CBR4: variants seen among roughly 807,000 people sequenced by gnomAD.
CBR4 encodes the protein carbonyl reductase 4, also known as 3-oxoacyl-[acyl-carrier-protein] reductase.
CBR4 carries 22 observed loss-of-function variants against 21.0 expected under a neutral mutation model. The ratio of observed to expected loss-of-function variants is 1.05; its 90% confidence interval spans 0.75 to 1.50. The LOEUF is 1.50. Among genes scored for constraint, CBR4 ranks in the 40% most tolerant of loss-of-function variants. The pLI is 0.00. For synonymous variants in CBR4, 100 were observed against 104.4 expected (o/e 0.96, Z 0.26); for missense variants, 302 against 286.3 (o/e 1.05, Z -0.40).
chr4:168,996,797 T>C (rs1765225938), intron 4 of CBR4, among the ~76,000 whole-genome samples: 1 of 152,194 alleles, frequency 6.6e-6, no homozygotes, highest in African/African-American at 2.4e-5. Context: ...TAGTCTCTAA[T>C]GATAAATTAC....
At chr4:168,995,921 T>C (rs1189658275) in intron 4 of CBR4, among the ~76,000 whole-genome samples, 2 of 152,208 alleles carry the variant, frequency 1.3e-5, no homozygotes, top group Non-Finnish European at 2.9e-5. Flanking sequence ...TCTATGTCTA[T>C]GTTAGGTCAG....
At chr4:168,947,711 AT>A (rs1763430744) in intron 2 of CBR4, among the ~76,000 whole-genome samples, 1 of 152,060 alleles carries the variant, frequency 6.6e-6, no homozygotes, top group African/African-American at 2.4e-5. Flanking sequence ...CTATTAATTC[AT>A]TCCTTTTTAT....
intron 2 of CBR4, among the ~76,000 whole-genome samples, chr4:168,904,491 C>T (rs1273813007): frequency 1.3e-5 from 2 of 152,104 alleles, no homozygotes; most frequent in African/African-American, 4.8e-5. Flanking sequence ...TAGGAGGCTG[C>T]TGGGTATCAT....
At chr4:168,913,298 G>C (rs190984499) in intron 2 of CBR4, among the ~76,000 whole-genome samples, 2 of 151,904 alleles carry the variant, frequency 1.3e-5, no homozygotes, top group East Asian at 1.9e-4. Flanking sequence ...CACCACGCCC[G>C]GCTAATTTTT....
intron 2 of CBR4, chr4:168,904,138 G>T (rs1013893967): frequency 5.7e-6 from 3 of 523,326 alleles, no homozygotes; most frequent in Admixed American, 3.1e-5. Flanking sequence ...ATTATTAAGG[G>T]TCTAATATGT....
At chr4:168,971,752 G>A (rs545016371) in intron 2 of CBR4, among the ~76,000 whole-genome samples, 9 of 152,106 alleles carry the variant, frequency 5.9e-5, no homozygotes, top group African/African-American at 1.4e-4. Flanking sequence ...AGTTGTTTAC[G>A]CTGCTGATTA....
chr4:168,955,512 A>G (rs1560961516), intron 2 of CBR4, among the ~76,000 whole-genome samples: 1 of 152,322 alleles, frequency 6.6e-6, no homozygotes, highest in South Asian at 2.1e-4. Context: ...ACAGCTGAAC[A>G]TATTTTATGC....
chr4:169,002,848 T>C (rs773396645), intron 3 of CBR4, among the ~76,000 whole-genome samples: 4 of 151,970 alleles, frequency 2.6e-5, no homozygotes, highest in African/African-American at 4.8e-5. Context: ...GTGCTCACTC[T>C]GTGTCTCTTT....
chr4:169,005,128 A>G (rs1458568885), intron 3 of CBR4: 2 of 152,218 alleles, frequency 1.3e-5, no homozygotes, highest in Non-Finnish European at 2.9e-5. Context: ...ACTGTGAAGT[A>G]CACAGAGAGA....
chr4:168,912,440 C>A (rs984023021), intron 2 of CBR4, among the ~76,000 whole-genome samples: 1 of 152,122 alleles, frequency 6.6e-6, no homozygotes, highest in Non-Finnish European at 1.5e-5. Flanking sequence ...TTTTTTGCTA[C>A]TCTGCTGGTA....
At chr4:168,925,524 G>A (rs1287130643) in intron 2 of CBR4, 33 of 493,104 alleles carry the variant, frequency 6.7e-5, no homozygotes, top group South Asian at 1.6e-4. Flanking sequence ...CCTGGAATGC[G>A]TACTTTTGTG....
At chr4:168,913,159 CAG>C (rs1393796882) in intron 2 of CBR4, among the ~76,000 whole-genome samples, 5 of 135,930 alleles carry the variant, frequency 3.7e-5, no homozygotes, top group African/African-American at 1.1e-4. Flanking sequence ...TTTTTTGAGA[CAG>C]AGTCTTGCTC....
intron 2 of CBR4, among the ~76,000 whole-genome samples, chr4:168,969,141 T>G (rs1764129868): frequency 6.6e-6 from 1 of 152,238 alleles, no homozygotes; most frequent in African/African-American, 2.4e-5. Flanking sequence ...CCTGGTTAGA[T>G]TCCTTTCTCC....
intron 4 of CBR4, among the ~76,000 whole-genome samples, chr4:168,993,974 G>A (rs190685928): frequency 2.0e-5 from 3 of 152,246 alleles, no homozygotes; most frequent in East Asian, 3.9e-4. Flanking sequence ...GAAAAGTCAC[G>A]TGCTAAGACC....
chr4:168,973,067 G>A (rs1284386075), intron 2 of CBR4, among the ~76,000 whole-genome samples: 1 of 152,116 alleles, frequency 6.6e-6, no homozygotes, highest in African/African-American at 2.4e-5. Flanking sequence ...TTTATGTGGT[G>A]TATTGCATCT....
intron 2 of CBR4, among the ~76,000 whole-genome samples, chr4:168,930,062 T>C (rs1165566661): frequency 1.3e-5 from 2 of 152,200 alleles, no homozygotes; most frequent in African/African-American, 4.8e-5. Context: ...GTAAAAATTA[T>C]ATTACAAATA....
intron 2 of CBR4, among the ~76,000 whole-genome samples, chr4:168,961,726 C>A: frequency 6.6e-6 from 1 of 150,634 alleles, no homozygotes; most frequent in South Asian, 2.1e-4. Flanking sequence ...CCCGTCTCTA[C>A]TAAAAATACA....
At chr4:168,924,867 C>A in intron 2 of CBR4, 1 of 1,393,622 alleles carries the variant, frequency 7.2e-7, no homozygotes, top group Non-Finnish European at 1.0e-6. Context: ...TTCTAATGAT[C>A]TAATTAAAAA....
intron 2 of CBR4, among the ~76,000 whole-genome samples, chr4:168,932,204 G>A (rs1454255270): frequency 6.6e-6 from 1 of 151,218 alleles, no homozygotes; most frequent in Non-Finnish European, 1.5e-5. Flanking sequence ...AATCAGGAAA[G>A]TAATTCATGA....
Sources: allele counts gnomAD v4.1 joint callset (sites outside exome capture counted in the v4.1 genomes callset), GRCh38; gene constraint gnomAD v4.1.1; transcripts MANE v1.5; gene names NCBI Gene and HGNC (gene_info 2026-07-23, HGNC 2026-07-21).